OR51B5: variants seen among roughly 807,000 people sequenced by gnomAD.
The protein encoded by OR51B5 is olfactory receptor family 51 subfamily B member 5.
For synonymous variants in OR51B5, 186 were observed against 144.8 expected, an observed-to-expected ratio of 1.28 and a Z score of -2.04; for missense variants, 456 against 374.6, an observed-to-expected ratio of 1.22 and a Z score of -1.79.
intron 1 of OR51B5, among the ~76,000 whole-genome samples, chr11:5,418,501 T>C (rs1322079081): frequency 1.3e-5 from 2 of 152,016 alleles, no homozygotes; most frequent in African/African-American, 4.8e-5. Context: ...AGTGATCGAC[T>C]GGATTAAGAA....
intron 1 of OR51B5, among the ~76,000 whole-genome samples, chr11:5,396,732 G>A (rs1849878124): frequency 6.6e-6 from 1 of 151,882 alleles, no homozygotes; most frequent in Middle Eastern, 3.4e-3. Context: ...CCAAAAAAGA[G>A]CCCGCATCGC....
intron 1 of OR51B5, among the ~76,000 whole-genome samples, chr11:5,452,080 G>A (rs989922349): frequency 2.0e-5 from 3 of 152,220 alleles, no homozygotes; most frequent in Non-Finnish European, 4.4e-5. Flanking sequence ...CAGTCCCCAA[G>A]CATGTAGATA....
intron 1 of OR51B5, among the ~76,000 whole-genome samples, chr11:5,401,880 T>TTATC (rs1564801088): frequency 1.4e-5 from 2 of 146,398 alleles, no homozygotes; most frequent in Non-Finnish European, 3.0e-5. Flanking sequence ...TTCCTTCCTT[T>TTATC]TCTCTCTCTT....
chr11:5,364,650 CATCTCTGAAT>C (rs1849339401), intron 1 of OR51B5, among the ~76,000 whole-genome samples: 1 of 145,846 alleles, frequency 6.9e-6, no homozygotes, highest in Admixed American at 6.9e-5. Context: ...TCCTCATGTG[CATCTCTGAAT>C]ATCTCTGATT....
At chr11:5,360,985 T>A (rs1849274982) in intron 1 of OR51B5, among the ~76,000 whole-genome samples, 2 of 140,764 alleles carry the variant, frequency 1.4e-5, no homozygotes, top group Admixed American at 1.5e-4. Context: ...CACCAGGGCC[T>A]GCAGTGGGGT....
chr11:5,382,125 T>C (rs558495534), intron 1 of OR51B5, among the ~76,000 whole-genome samples: 1 of 152,334 alleles, frequency 6.6e-6, no homozygotes, highest in East Asian at 1.9e-4. Context: ...TGACATGTCA[T>C]ATAAACTCAT....
chr11:5,418,358 A>T (rs1172559179), intron 1 of OR51B5, among the ~76,000 whole-genome samples: 1 of 152,094 alleles, frequency 6.6e-6, no homozygotes, highest in Non-Finnish European at 1.5e-5. Context: ...ATACATATGT[A>T]ACTAACCTGC....
chr11:5,505,436 T>C, intron 1 of OR51B5: 1 of 1,304,006 alleles, frequency 7.7e-7, no homozygotes, highest in South Asian at 1.2e-5. Flanking sequence ...TTCTTTAATC[T>C]GGACAAAAAC....
rs541373380 is a variant in OR51B5 at position 5,413,623 on chromosome 11, C to T, written n.85-66713G>A. Among the ~76,000 whole-genome samples the T allele has an allele frequency of 2.5e-3, 382 of 152,040 alleles. 1 individual carries two copies. Among genetic ancestry groups the T allele is most frequent in the African/African-American group, 6.3e-3 (259 of 41,440 alleles). On this transcript the variant is annotated intron_variant and non_coding_transcript_variant, in intron 1 of 4. Coordinates refer to the OR51B5 transcript ENST00000415970. ...GGAGCTGAAAGCCAAGGCTCGAGAA[C>T]GATGTGAAGAATGCAGAAGTCTCAG... is the stretch of plus-strand genomic sequence containing the variant.
At chr11:5,364,873 T>C (rs773167821) in intron 1 of OR51B5, among the ~76,000 whole-genome samples, 11 of 152,238 alleles carry the variant, frequency 7.2e-5, no homozygotes, top group Non-Finnish European at 1.2e-4. Context: ...TTCCATTTAA[T>C]ATAGTTTTAT....
rs1285551253 is a variant in OR51B5 at position 5,465,488 on chromosome 11, C to T, written n.84+40081G>A. Among the ~76,000 whole-genome samples the T allele has an allele frequency of 5.3e-5, 8 of 151,752 alleles. No individual in the cohort carries two copies. The East Asian group carries it at 1.4e-3, about 26-fold the overall frequency. ...AGTTCATATGGAACCAAAAAAGAGCCCCCATCACCAAGGCAATCCTAAGCC... is the reference window on the plus strand; with the variant it reads ...AGTTCATATGGAACCAAAAAAGAGCTCCCATCACCAAGGCAATCCTAAGCC... On this transcript the variant is annotated intron_variant and non_coding_transcript_variant, in intron 1 of 4. Coordinates refer to the OR51B5 transcript ENST00000415970.
intron 1 of OR51B5, among the ~76,000 whole-genome samples, chr11:5,421,546 CTA>C (rs1017789351): frequency 3.3e-5 from 5 of 152,158 alleles, no homozygotes; most frequent in African/African-American, 7.2e-5. Context: ...CTCTTCTTTC[CTA>C]TGTTTCCTCC....
At chr11:5,412,031 GT>G (rs939628512) in intron 1 of OR51B5, among the ~76,000 whole-genome samples, 55 of 152,256 alleles carry the variant, frequency 3.6e-4, no homozygotes, top group African/African-American at 1.3e-3. Context: ...AACAAAAAAT[GT>G]TGTTTTAAGC....
chr11:5,341,730 C>A (rs926054617), downstream of OR51B5, among the ~76,000 whole-genome samples: 4 of 151,860 alleles, frequency 2.6e-5, no homozygotes, highest in Admixed American at 1.3e-4. Context: ...TCCTTCAGAC[C>A]TTTTTCATAG....
intron 1 of OR51B5, among the ~76,000 whole-genome samples, chr11:5,503,382 C>G (rs888031423): frequency 6.6e-6 from 1 of 152,086 alleles, no homozygotes; most frequent in African/African-American, 2.4e-5. Flanking sequence ...TGTAAATAAA[C>G]CCAAATGCGT....
chr11:5,422,865 T>C (rs776951324), intron 1 of OR51B5: 5 of 1,614,030 alleles, frequency 3.1e-6, no homozygotes, highest in Non-Finnish European at 4.2e-6. Context: ...TCCTATACAC[T>C]TATTCTGAAA....
intron 1 of OR51B5, among the ~76,000 whole-genome samples, chr11:5,393,435 T>C (rs1849826312): frequency 6.6e-6 from 1 of 152,132 alleles, no homozygotes; most frequent in African/African-American, 2.4e-5. Context: ...AGGCTATAAA[T>C]ATTTGTATCA....
At chr11:5,495,242 C>CTA (rs1774281550) in intron 1 of OR51B5, among the ~76,000 whole-genome samples, 1 of 152,014 alleles carries the variant, frequency 6.6e-6, no homozygotes, top group South Asian at 2.1e-4. Flanking sequence ...AATGACAGGA[C>CTA]TATAATTAGC....
chr11:5,341,956 G>A (rs1848901858), downstream of OR51B5, among the ~76,000 whole-genome samples: 1 of 152,188 alleles, frequency 6.6e-6, no homozygotes, highest in African/African-American at 2.4e-5. Context: ...AGAAGGTACT[G>A]CCTTGGGGAA....
Sources: gnomAD v4.1 joint callset for allele counts (sites outside exome capture counted in the v4.1 genomes callset) on GRCh38, gnomAD v4.1.1 for gene constraint, MANE v1.5 for transcripts, NCBI Gene and HGNC (gene_info 2026-07-23, HGNC 2026-07-21) for gene names.